MCTP1: variants seen among roughly 807,000 people sequenced by gnomAD.
The protein encoded by MCTP1 is multiple C2 and transmembrane domain-containing protein 1.
MCTP1 carries 69 observed loss-of-function variants against 120.6 expected under a neutral mutation model. That is an observed-to-expected ratio of 0.57 (90% CI 0.47 to 0.70). The LOEUF (loss-of-function observed/expected upper bound fraction) is 0.70, where lower values mean the gene tolerates loss of function less well. Among genes scored for constraint, MCTP1 ranks in the 30% least tolerant of loss-of-function variants. MCTP1 has a pLI of 0.00. For synonymous variants in MCTP1, 529 were observed against 493.1 expected (o/e 1.07, Z -0.96); for missense variants, 1,203 against 1,248.8 (o/e 0.96, Z 0.55).
intron 1 of MCTP1, among the ~76,000 whole-genome samples, chr5:95,169,329 T>C (rs887898966): frequency 3.9e-5 from 6 of 152,230 alleles, no homozygotes; most frequent in Non-Finnish European, 8.8e-5. Context: ...TGCATCAATG[T>C]TCATCAGGGA....
chr5:94,916,697 CA>C (rs1261543729), intron 8 of MCTP1, among the ~76,000 whole-genome samples: 2 of 152,176 alleles, frequency 1.3e-5, no homozygotes, highest in Non-Finnish European at 2.9e-5. Flanking sequence ...CTCTGTATAG[CA>C]AATCTCTCAA....
At chr5:95,159,227 C>A (rs1020685247) in intron 1 of MCTP1, among the ~76,000 whole-genome samples, 1 of 152,142 alleles carries the variant, frequency 6.6e-6, no homozygotes, top group Non-Finnish European at 1.5e-5. Flanking sequence ...CCAGATATGC[C>A]TTTGAAGACA....
chr5:94,820,212 C>G (rs79395379), intron 17 of MCTP1, among the ~76,000 whole-genome samples: 336 of 152,282 alleles, frequency 2.2e-3, no homozygotes, highest in Non-Finnish European at 3.3e-3. Context: ...ACTATTTAAT[C>G]AGTATTAAAA....
rs755763055 is a variant in MCTP1, at chr5:95,068,785, G to A, written c.721-51301C>T. On this transcript the variant is annotated intron_variant, in intron 1 of 22. Coordinates refer to ENST00000515393, the MANE Select transcript of MCTP1 (RefSeq NM_024717.7). ...CAGTCATTTCCACTTTGAAACTTACGTTTACTGCATTTAGTCTGTCCTTTC... is the reference window on the plus strand; with the variant it reads ...CAGTCATTTCCACTTTGAAACTTACATTTACTGCATTTAGTCTGTCCTTTC... The A allele has an allele frequency of 3.6e-5, 46 of 1,273,608 alleles. 1 individual carries two copies. In the South Asian group the frequency reaches 4.6e-4, roughly 13 times the overall value. The allele number at this position is 1,273,608 out of a possible 1,614,324, so 78.9% of individuals were successfully genotyped here. A position where few individuals can be genotyped will look rare whatever the true frequency, so the allele number is the denominator to read the frequency against.
intron 17 of MCTP1, among the ~76,000 whole-genome samples, chr5:94,807,786 G>A (rs188204957): frequency 3.4e-4 from 52 of 152,276 alleles, no homozygotes; most frequent in African/African-American, 1.1e-3. Flanking sequence ...CATACCCAAT[G>A]AAGAATTTTC....
intron 1 of MCTP1, among the ~76,000 whole-genome samples, chr5:95,117,408 A>AG (rs1562156640): frequency 6.6e-6 from 1 of 151,294 alleles, no homozygotes; most frequent in Admixed American, 6.6e-5. Flanking sequence ...AAAAAAAAAA[A>AG]AAAAAAAGCT....
At chr5:94,772,198 G>A (rs1187293530) in intron 19 of MCTP1, among the ~76,000 whole-genome samples, 1 of 152,170 alleles carries the variant, frequency 6.6e-6, no homozygotes, top group Non-Finnish European at 1.5e-5. Context: ...ATAAGGGCTT[G>A]TACTTCTTGC....
intron 1 of MCTP1, among the ~76,000 whole-genome samples, chr5:95,126,275 C>T (rs946895802): frequency 6.6e-6 from 1 of 152,126 alleles, no homozygotes; most frequent in African/African-American, 2.4e-5. Context: ...TTCTGTGTTC[C>T]TCCCACTTAT....
chr5:95,209,708 G>C (rs1459390368), intron 1 of MCTP1, among the ~76,000 whole-genome samples: 2 of 152,114 alleles, frequency 1.3e-5, no homozygotes, highest in Non-Finnish European at 2.9e-5. Flanking sequence ...CCTGTCCCTG[G>C]AATGTTCCCA....
intron 17 of MCTP1, among the ~76,000 whole-genome samples, chr5:94,838,546 C>T (rs1159314737): frequency 1.3e-5 from 2 of 152,094 alleles, no homozygotes; most frequent in Non-Finnish European, 2.9e-5. Flanking sequence ...AATGCTATTT[C>T]CAGAAACTCC....
intron 8 of MCTP1, among the ~76,000 whole-genome samples, chr5:94,914,129 A>C (rs1181135806): frequency 6.6e-6 from 1 of 152,220 alleles, no homozygotes; most frequent in Non-Finnish European, 1.5e-5. Flanking sequence ...ATAGAAAGTA[A>C]CTAAATGTGA....
At chr5:95,271,604 G>A (rs1453585580) in intron 1 of MCTP1, among the ~76,000 whole-genome samples, 1 of 152,088 alleles carries the variant, frequency 6.6e-6, no homozygotes, top group Non-Finnish European at 1.5e-5. Context: ...TGTGACATCT[G>A]GGGTTGAAAG....
In MCTP1 at chr5:94,829,302, C is replaced by T. The variant is rs748703909; in HGVS notation, c.2437-30170G>A. ...CTCGCCCTCTGTGGGCTTCACCCAC[C>T]GTCTAACAAGTCCCAGTGAGATGAA... On this transcript the variant is annotated intron_variant, in intron 17 of 22. Coordinates refer to ENST00000515393, the MANE Select transcript of MCTP1 (RefSeq NM_024717.7). Among the ~76,000 whole-genome samples, 6 of 152,216 alleles carry T rather than the reference C, an allele frequency of 3.9e-5. No individual in the cohort carries two copies. The East Asian group carries it at 5.8e-4, about 15-fold the overall frequency.
chr5:94,865,603 C>A (rs1046103697), intron 17 of MCTP1, among the ~76,000 whole-genome samples: 4 of 151,818 alleles, frequency 2.6e-5, no homozygotes, highest in Non-Finnish European at 5.9e-5. Context: ...ATAAACAGGG[C>A]TAAAATGTCT....
In MCTP1 at chr5:95,209,867, T is replaced by C. The variant is rs559786243; in HGVS notation, c.720+73989A>G. Among the ~76,000 whole-genome samples the C allele has an allele frequency of 3.3e-3, 509 of 152,332 alleles. 1 individual carries two copies. Among genetic ancestry groups the C allele is most frequent in the South Asian group, 8.1e-3 (39 of 4,830 alleles). ...AATGTGTCCCAGAGATTCTGGTATGTTGTGTCTTTGTTCTTGTTGGTTTCA... is the reference window on the plus strand; with the variant it reads ...AATGTGTCCCAGAGATTCTGGTATGCTGTGTCTTTGTTCTTGTTGGTTTCA... On this transcript the variant is annotated intron_variant, in intron 1 of 22. Coordinates refer to ENST00000515393, the MANE Select transcript of MCTP1 (RefSeq NM_024717.7).
At chr5:95,069,747 G>A (rs1206590614) in intron 1 of MCTP1, among the ~76,000 whole-genome samples, 5 of 147,550 alleles carry the variant, frequency 3.4e-5, no homozygotes, top group African/African-American at 1.2e-4. Context: ...CGCCCAGGCT[G>A]GAGTGCAGTG....
chr5:94,716,375 A>ATCTT (rs1759341106), intron 19 of MCTP1, among the ~76,000 whole-genome samples: 1 of 151,210 alleles, frequency 6.6e-6, no homozygotes, highest in Non-Finnish European at 1.5e-5. Flanking sequence ...GCATCAATTT[A>ATCTT]TCTTTCACAC....
intron 10 of MCTP1, among the ~76,000 whole-genome samples, chr5:94,901,607 T>C (rs1805555695): frequency 6.6e-6 from 1 of 151,860 alleles, no homozygotes; most frequent in Admixed American, 6.6e-5. Context: ...CTTGAAGTTC[T>C]CTGCATTAAA....
intron 1 of MCTP1, among the ~76,000 whole-genome samples, chr5:95,134,624 G>T (rs1759298633): frequency 6.6e-6 from 1 of 152,108 alleles, no homozygotes. Flanking sequence ...GCTAGCCAGG[G>T]CTTCTTTGCA....
Sources: allele counts gnomAD v4.1 joint callset (sites outside exome capture counted in the v4.1 genomes callset), GRCh38; gene constraint gnomAD v4.1.1; transcripts MANE v1.5; gene names NCBI Gene and HGNC (gene_info 2026-07-23, HGNC 2026-07-21).